Variants in AKR1E2 observed in about 807,000 individuals in gnomAD.
The protein encoded by AKR1E2 is aldo-keto reductase family 1 member E2.
AKR1E2 carries 43 observed loss-of-function variants against 41.9 expected under a neutral mutation model. The ratio of observed to expected loss-of-function variants is 1.03; its 90% CI spans 0.80 to 1.32. The LOEUF (loss-of-function observed/expected upper bound fraction) is 1.32. Ranked by LOEUF, AKR1E2 falls within the 40% of genes most tolerant of loss-of-function variation. The pLI is 0.00. For synonymous variants in AKR1E2, 121 were observed against 138.9 expected (o/e 0.87, Z 0.91); for missense variants, 423 against 396.5 (o/e 1.07, Z -0.57).
chr10:4,825,201 T>A (rs1437804189), upstream of AKR1E2, among the ~76,000 whole-genome samples: 3 of 152,204 alleles, frequency 2.0e-5, no homozygotes, highest in African/African-American at 7.2e-5. Flanking sequence ...TTTCTCTGGC[T>A]GCAGCCGCCC....
At chr10:4,840,269 C>T (rs959703320) in intron 6 of AKR1E2, among the ~76,000 whole-genome samples, 4 of 152,224 alleles carry the variant, frequency 2.6e-5, no homozygotes, top group South Asian at 2.1e-4. Context: ...CCACCTAAGC[C>T]AGAAGCTTGG....
chr10:4,852,959 A>G (rs1289720417), downstream of AKR1E2, among the ~76,000 whole-genome samples: 1 of 152,184 alleles, frequency 6.6e-6, no homozygotes, highest in Non-Finnish European at 1.5e-5. Context: ...AAGAGATAAA[A>G]GAGGTTGTGG....
downstream of AKR1E2, among the ~76,000 whole-genome samples, chr10:4,853,043 G>A (rs1160063628): frequency 1.3e-5 from 2 of 152,136 alleles, no homozygotes; most frequent in Admixed American, 1.3e-4. Context: ...GTTACTAGAA[G>A]AAACAAAGAA....
At chr10:4,850,698 C>T (rs908111004), downstream of AKR1E2, among the ~76,000 whole-genome samples, 1 of 152,136 alleles carries the variant, frequency 6.6e-6, no homozygotes, top group Non-Finnish European at 1.5e-5. Flanking sequence ...GCCTAATGAT[C>T]TGAGCATCTT....
chr10:4,868,891 G>T, the AKR1E2 span, among the ~76,000 whole-genome samples: 2 of 151,756 alleles, frequency 1.3e-5, no homozygotes, highest in Non-Finnish European at 2.9e-5. Context: ...AGCTATACTT[G>T]GTTTTTGTGT....
chr10:4,855,093 T>A, the AKR1E2 span, among the ~76,000 whole-genome samples: 18 of 152,320 alleles, frequency 1.2e-4, no homozygotes, highest in South Asian at 3.7e-3. Context: ...AGTTGCCACC[T>A]GAACTTTTCA....
At chr10:4,863,097 G>A in the AKR1E2 span, among the ~76,000 whole-genome samples, 3 of 152,140 alleles carry the variant, frequency 2.0e-5, no homozygotes, top group Non-Finnish European at 4.4e-5. Context: ...ACTCAGCTCT[G>A]CACCAAGTGG....
At chr10:4,840,987 T>C (rs989335707) in intron 6 of AKR1E2, among the ~76,000 whole-genome samples, 1 of 152,204 alleles carries the variant, frequency 6.6e-6, no homozygotes, top group African/African-American at 2.4e-5. Flanking sequence ...TACTTGAGTT[T>C]TATCACCTGT....
chr10:4,840,706 C>G (rs1216095181), intron 6 of AKR1E2, among the ~76,000 whole-genome samples: 1 of 152,222 alleles, frequency 6.6e-6, no homozygotes, highest in Non-Finnish European at 1.5e-5. Context: ...TTTGCAAATA[C>G]TGTTCTCTTT....
At chr10:4,841,233 C>T (rs890944463) in intron 6 of AKR1E2, among the ~76,000 whole-genome samples, 21 of 152,158 alleles carry the variant, frequency 1.4e-4, no homozygotes, top group African/African-American at 4.6e-4. Flanking sequence ...GCTCAGTACA[C>T]ACTCGTTAAA....
At chr10:4,834,152 G>C (rs1833203407) in intron 3 of AKR1E2, among the ~76,000 whole-genome samples, 1 of 152,220 alleles carries the variant, frequency 6.6e-6, no homozygotes, top group African/African-American at 2.4e-5. Context: ...TCACACAGTT[G>C]ACACCTGTGA....
At chr10:4,846,828 A>G (rs113485865) in intron 8 of AKR1E2, among the ~76,000 whole-genome samples, 5,307 of 152,178 alleles carry the variant, frequency 0.035, 148 homozygotes, top group East Asian at 0.11. Context: ...ACAGGCGTGA[A>G]CCACCGCGCC....
At chr10:4,871,717 G>A in the AKR1E2 span, among the ~76,000 whole-genome samples, 2 of 151,758 alleles carry the variant, frequency 1.3e-5, no homozygotes, top group South Asian at 2.1e-4. Flanking sequence ...GGGTGGGGGC[G>A]GGAATCAAGA....
chr10:4,862,293 T>G, the AKR1E2 span, among the ~76,000 whole-genome samples: 2 of 152,312 alleles, frequency 1.3e-5, no homozygotes, highest in Admixed American at 6.5e-5. Context: ...GGTCTATATC[T>G]CTGTTTTGGT....
In AKR1E2 at chr10:4,845,447, G is replaced by A. The variant is rs563057144; in HGVS notation, c.838-1701G>A. Among the ~76,000 whole-genome samples, 17 of 147,610 alleles carry A rather than the reference G, an allele frequency of 1.2e-4. No individual in the cohort carries two copies. The East Asian group carries it at 3.2e-3, about 27-fold the overall frequency. ...GAGGAGGCCCGGAGAGCTAGTGAGGGTTGTGAGGGCTGCCAGCATGCTGTC... is the reference window on the plus strand; with the variant it reads ...GAGGAGGCCCGGAGAGCTAGTGAGGATTGTGAGGGCTGCCAGCATGCTGTC... On this transcript the variant is annotated intron_variant, in intron 8 of 9. Transcript: ENST00000298375.
chr10:4,830,822 G>T lies in AKR1E2; in HGVS notation c.187G>T (p.Asp63Tyr). ...KIKEGAVRRE[D>Y]LFIATKLWCT... ...CAAGGAAGGCGCTGTAAGACGGGAG[G>T]ATCTGTTCATTGCCACTAAGGTAGG... The change falls in exon 2 of 10, where the codon GAT (aspartate) becomes TAT (tyrosine). Residue 63 changes from aspartate (D) to tyrosine (Y), a missense_variant. Coordinates refer to ENST00000298375, the MANE Select transcript of AKR1E2 (RefSeq NM_001040177.3). 6.2e-7 allele frequency: 1 copy of T among 1,614,116 alleles called. No homozygotes were observed. The highest frequency in any genetic ancestry group is 1.1e-5 in the South Asian group (1 of 91,076).
chr10:4,855,902 G>A, the AKR1E2 span, among the ~76,000 whole-genome samples: 1 of 152,148 alleles, frequency 6.6e-6, no homozygotes, highest in African/African-American at 2.4e-5. Flanking sequence ...CTAGTTCGGA[G>A]CATTCGATTC....
downstream of AKR1E2, among the ~76,000 whole-genome samples, chr10:4,852,897 CA>C (rs546803602): frequency 8.5e-5 from 13 of 152,174 alleles, no homozygotes; most frequent in Non-Finnish European, 1.6e-4. Context: ...TGTGTCCTCA[CA>C]TGGTCTTCCT....
intron 5 of AKR1E2, 140 bp downstream of exon 5, chr10:4,837,721 GATTA>G (rs1306088570): frequency 1.5e-6 from 2 of 1,346,742 alleles, no homozygotes; most frequent in African/African-American, 2.9e-5. Context: ...TCAGAATGGT[GATTA>G]AAGGCAGCAG....
Sources: gnomAD v4.1 joint callset for allele counts (sites outside exome capture counted in the v4.1 genomes callset) on GRCh38, gnomAD v4.1.1 for gene constraint, MANE v1.5 for transcripts, NCBI Gene and HGNC (gene_info 2026-07-23, HGNC 2026-07-21) for gene names.